Variants in RASAL2 observed in about 807,000 individuals in gnomAD.
RASAL2 encodes the protein RAS protein activator like 2, also known as ras GTPase-activating protein nGAP.
In RASAL2, 58 loss-of-function variants were observed where a neutral mutation model predicts 128.9. The ratio of observed to expected loss-of-function variants is 0.45; its 90% CI spans 0.36 to 0.56. RASAL2 has a LOEUF of 0.56. RASAL2 is among the 20% of genes least tolerant of loss of function. RASAL2 has a pLI of 0.00. For missense variants in RASAL2, 1,360 were observed against 1,601.6 expected, an observed-to-expected ratio of 0.85 and a Z score of 2.57; for synonymous variants, 561 against 580.8, an observed-to-expected ratio of 0.97 and a Z score of 0.49.
At position 178,094,681 on chromosome 1, in the gene RASAL2, G is replaced by C; in HGVS notation, c.189G>C (p.Trp63Cys). Residue 63 changes from tryptophan to cysteine, a missense_variant, in exon 1 of 18, where the codon TGG becomes TGC. Coordinates refer to ENST00000367649, the MANE Select transcript of RASAL2 (RefSeq NM_170692.4). Reference sequence around the variant, plus strand: ...AGTCCGTGTGCCAGCAACAGAGCTGGGTCCGGGTGTACGGTAAGGACCACA... The same window carrying C: ...AGTCCGTGTGCCAGCAACAGAGCTGCGTCCGGGTGTACGGTAAGGACCACA... ...LLESVCQQQS[W>C]VRVYDVKGPP... 1.9e-6 allele frequency: 3 copies of C among 1,614,096 alleles called. No individual in the cohort carries two copies. Among genetic ancestry groups the C allele is most frequent in the Non-Finnish European group, 2.5e-6 (3 of 1,180,036 alleles).
chr1:178,398,195 A>G (rs942313634), intron 4 of RASAL2, among the ~76,000 whole-genome samples: 10 of 152,084 alleles, frequency 6.6e-5, no homozygotes, highest in African/African-American at 2.2e-4. Context: ...TTGGCCTACT[A>G]TAAGGGAGAT....
intron 1 of RASAL2, among the ~76,000 whole-genome samples, chr1:178,229,431 C>A (rs1281483897): frequency 6.6e-6 from 1 of 151,636 alleles, no homozygotes; most frequent in African/African-American, 2.4e-5. Context: ...TTTCTTTGTC[C>A]TGATCCTGAC....
chr1:178,128,529 G>A (rs1659982967), intron 1 of RASAL2, among the ~76,000 whole-genome samples: 1 of 151,992 alleles, frequency 6.6e-6, no homozygotes, highest in East Asian at 1.9e-4. Context: ...TTTTTGTTAA[G>A]TAACTTTATT....
chr1:178,439,535 C>A lies in RASAL2; in HGVS notation c.788C>A (p.Pro263Gln). 6.2e-7 allele frequency: 1 copy of A among 1,612,926 alleles called. No homozygotes were observed. Among genetic ancestry groups the A allele is most frequent in the Non-Finnish European group, 8.5e-7 (1 of 1,179,278 alleles). ...AGAGGGGAACCTGTATCAGTGAAAC[C>A]ACTTCATAGTAGCATCCTTGGACAA... Reference protein sequence around the residue: ...LGRGEPVSVKPLHSSILGQDF... With the variant: ...LGRGEPVSVKQLHSSILGQDF... Residue 263 changes from proline (P) to glutamine (Q), a missense_variant, in exon 6 of 18, where the codon CCA becomes CAA. Pro to Gln is a moderately conservative substitution (Grantham distance 76, BLOSUM62 -1). This residue lies in a region of RASAL2 where 617 missense variants were observed against 714.2 expected (regional missense o/e 0.86). Coordinates refer to ENST00000367649, the MANE Select transcript of RASAL2 (RefSeq NM_170692.4).
intron 1 of RASAL2, among the ~76,000 whole-genome samples, chr1:178,276,332 AACTTT>A (rs1193712983): frequency 6.6e-6 from 1 of 152,154 alleles, no homozygotes; most frequent in Non-Finnish European, 1.5e-5. Context: ...AGTAAAATTA[AACTTT>A]ACTTTAAGTG....
chr1:178,426,661 G>A (rs992376734), intron 5 of RASAL2, among the ~76,000 whole-genome samples: 1 of 152,000 alleles, frequency 6.6e-6, no homozygotes, highest in Non-Finnish European at 1.5e-5. Flanking sequence ...ACAAAGGAAT[G>A]TTGGGGGTGG....
At chr1:178,130,022 T>C (rs1241387253) in intron 1 of RASAL2, among the ~76,000 whole-genome samples, 1 of 152,224 alleles carries the variant, frequency 6.6e-6, no homozygotes, top group African/African-American at 2.4e-5. Flanking sequence ...AGAGTTTCCC[T>C]TTTTATGATA....
intron 6 of RASAL2, 86 bp downstream of exon 6, chr1:178,439,661 C>T: frequency 2.5e-6 from 3 of 1,222,986 alleles, no homozygotes; most frequent in Non-Finnish European, 3.4e-6. Flanking sequence ...CATTGCTGTA[C>T]AGTTGATGAT....
intron 1 of RASAL2, among the ~76,000 whole-genome samples, chr1:178,279,774 A>G (rs1231080899): frequency 6.6e-6 from 1 of 152,190 alleles, no homozygotes; most frequent in Admixed American, 6.5e-5. Flanking sequence ...CTAAAAGCAA[A>G]AATTAGAATG....
chr1:178,146,909 A>G (rs576487561), intron 1 of RASAL2, among the ~76,000 whole-genome samples: 123 of 152,340 alleles, frequency 8.1e-4, no homozygotes, highest in African/African-American at 2.8e-3. Context: ...GCAGGTGGAG[A>G]TGTCTATATA....
intron 1 of RASAL2, among the ~76,000 whole-genome samples, chr1:178,127,784 A>G (rs1326033892): frequency 6.6e-6 from 1 of 152,018 alleles, no homozygotes; most frequent in East Asian, 1.9e-4. Flanking sequence ...TTTCCCCCTC[A>G]ATCCCTGATC....
At chr1:178,252,893 C>T (rs189139283) in intron 1 of RASAL2, among the ~76,000 whole-genome samples, 7 of 152,254 alleles carry the variant, frequency 4.6e-5, no homozygotes, top group Middle Eastern at 6.8e-3. Flanking sequence ...ATCTCTCCCC[C>T]GACTATATTG....
At chr1:178,456,447 A>G in intron 12 of RASAL2, 1 of 513,530 alleles carries the variant, frequency 1.9e-6, no homozygotes, top group South Asian at 2.4e-5. Context: ...AGTTTTGAGC[A>G]TGTCTTTTAA....
intron 3 of RASAL2, among the ~76,000 whole-genome samples, chr1:178,378,061 A>G (rs1235229693): frequency 6.6e-6 from 1 of 151,988 alleles, no homozygotes; most frequent in Non-Finnish European, 1.5e-5. Context: ...TAGAAAATAC[A>G]GTAAGATGGT....
rs1450125511 is a variant in RASAL2 at position 178,203,871 on chromosome 1, G to A, written c.203-79693G>A. Among the ~76,000 whole-genome samples the A allele has an allele frequency of 3.9e-5, 6 of 152,166 alleles. No homozygotes were observed. The South Asian group carries it at 1.0e-3, about 26-fold the overall frequency. On this transcript the variant is annotated intron_variant, in intron 1 of 17. Transcript: ENST00000367649. Reference sequence around the variant, plus strand: ...TAGTATTACCATACTCTGTGATTAAGGTCAATGGGAAACTACAACAGCCCA... The same window carrying A: ...TAGTATTACCATACTCTGTGATTAAAGTCAATGGGAAACTACAACAGCCCA...
At chr1:178,290,754 C>T (rs1667244076) in intron 2 of RASAL2, among the ~76,000 whole-genome samples, 1 of 152,100 alleles carries the variant, frequency 6.6e-6, no homozygotes. Context: ...CGGCTCGCTG[C>T]AAGCTCCGCC....
chr1:178,238,607 TACAC>T (rs10634445), intron 1 of RASAL2, among the ~76,000 whole-genome samples: 3 of 150,448 alleles, frequency 2.0e-5, no homozygotes, highest in Non-Finnish European at 4.5e-5. Flanking sequence ...TGTGTGTATA[TACAC>T]ACACACACAC....
At chr1:178,208,488 G>A (rs370282581) in intron 1 of RASAL2, among the ~76,000 whole-genome samples, 3 of 152,184 alleles carry the variant, frequency 2.0e-5, no homozygotes, top group African/African-American at 4.8e-5. Flanking sequence ...AAAACTCCGC[G>A]CTAGTAAATT....
At chr1:178,154,436 A>C (rs1366767294) in intron 1 of RASAL2, among the ~76,000 whole-genome samples, 1 of 152,136 alleles carries the variant, frequency 6.6e-6, no homozygotes, top group Admixed American at 6.5e-5. Context: ...GCAGTGGGCC[A>C]CACTGCCTAG....
Sources: gnomAD v4.1 joint callset for allele counts (sites outside exome capture counted in the v4.1 genomes callset) on GRCh38, gnomAD v4.1.1 for gene constraint, gnomAD v4.1.1 regional missense constraint, MANE v1.5 for transcripts, NCBI Gene and HGNC (gene_info 2026-07-23, HGNC 2026-07-21) for gene names.